STAU2: variants seen among roughly 807,000 people sequenced by gnomAD.
STAU2 encodes the protein staufen double-stranded RNA binding protein 2.
STAU2 carries 20 observed loss-of-function variants against 65.9 expected under a neutral mutation model. That is an observed-to-expected ratio of 0.30 (90% CI 0.21 to 0.44). The LOEUF (loss-of-function observed/expected upper bound fraction) is 0.44, where lower values mean the gene tolerates loss of function less well. Among genes scored for constraint, STAU2 ranks in the 20% least tolerant of loss-of-function variants. STAU2 has a pLI of 1.00. For missense variants in STAU2, 558 were observed against 683.9 expected (o/e 0.82, Z 2.05); for synonymous variants, 232 against 233.9 (o/e 0.99, Z 0.07).
At position 73,603,880 on chromosome 8, in the gene STAU2, GA is replaced by G. The variant is rs35083067; in HGVS notation, c.892-18del. The G allele has an allele frequency of 5.1e-6, 8 of 1,572,630 alleles. No individual in the cohort carries two copies. The East Asian group carries it at 1.6e-4, about 31-fold the overall frequency. ...TGGTCCGGCCTAAAAATTAATTTAA[GA>G]AAAAGTTTTAAAATATGCTTGTGAA... On this transcript the variant is annotated intron_variant, in intron 9 of 14. Coordinates refer to ENST00000524300, the MANE Select transcript of STAU2 (RefSeq NM_001164380.2).
At chr8:73,599,972 G>A (rs1811512138) in intron 10 of STAU2, among the ~76,000 whole-genome samples, 1 of 152,116 alleles carries the variant, frequency 6.6e-6, no homozygotes, top group South Asian at 2.1e-4. Context: ...GTTTCACTGT[G>A]TTAGCCAGGA....
intron 13 of STAU2, among the ~76,000 whole-genome samples, chr8:73,545,773 T>C (rs1006619034): frequency 6.6e-6 from 1 of 151,818 alleles, no homozygotes; most frequent in Admixed American, 6.6e-5. Flanking sequence ...TCAGCCTCCC[T>C]AGTAGCTGGG....
At chr8:73,578,373 C>G (rs1809732631) in intron 12 of STAU2, among the ~76,000 whole-genome samples, 2 of 152,184 alleles carry the variant, frequency 1.3e-5, no homozygotes, top group Non-Finnish European at 2.9e-5. Context: ...AACATTACCT[C>G]TAATCTTCCT....
chr8:73,434,936 G>A (rs568009970), intron 13 of STAU2, among the ~76,000 whole-genome samples: 62 of 151,848 alleles, frequency 4.1e-4, no homozygotes, highest in South Asian at 4.2e-4. Flanking sequence ...AGCATTCAAG[G>A]CCCCCATTGG....
chr8:73,456,874 T>C (rs1483340482), intron 13 of STAU2, among the ~76,000 whole-genome samples: 1 of 152,222 alleles, frequency 6.6e-6, no homozygotes, highest in African/African-American at 2.4e-5. Flanking sequence ...GAACATTTTA[T>C]TGAGTAGGGA....
chr8:73,630,239 C>T (rs1023428020), intron 6 of STAU2, among the ~76,000 whole-genome samples: 2 of 152,240 alleles, frequency 1.3e-5, no homozygotes, highest in Non-Finnish European at 2.9e-5. Context: ...TGCAGATACG[C>T]AAGGTATGCT....
chr8:73,626,610 G>A (rs1173488989), intron 6 of STAU2, among the ~76,000 whole-genome samples: 1 of 152,162 alleles, frequency 6.6e-6, no homozygotes. Context: ...GAAAATATAG[G>A]ATTGCAGGCA....
chr8:73,611,577 T>C (rs1368538044), intron 9 of STAU2, among the ~76,000 whole-genome samples: 1 of 152,054 alleles, frequency 6.6e-6, no homozygotes, highest in Non-Finnish European at 1.5e-5. Context: ...TTGCTTTTAA[T>C]AGCTATAGTT....
intron 13 of STAU2, among the ~76,000 whole-genome samples, chr8:73,530,500 G>C (rs1805742507): frequency 6.6e-6 from 1 of 152,138 alleles, no homozygotes; most frequent in Admixed American, 6.6e-5. Context: ...CCAGCTAGTG[G>C]GTAGCTCTAA....
intron 5 of STAU2, 68 bp downstream of exon 5, chr8:73,688,586 A>G: frequency 5.1e-6 from 8 of 1,579,170 alleles, no homozygotes; most frequent in Non-Finnish European, 6.9e-6. Context: ...CTAGCCTACT[A>G]TAAATGAAAC....
intron 3 of STAU2, among the ~76,000 whole-genome samples, chr8:73,735,892 G>A (rs1806399256): frequency 6.6e-6 from 1 of 152,174 alleles, no homozygotes; most frequent in Admixed American, 6.5e-5. Context: ...CCAAATGTCT[G>A]TGGCAGAAGA....
intron 4 of STAU2, among the ~76,000 whole-genome samples, chr8:73,692,827 G>A (rs1042536049): frequency 2.0e-5 from 3 of 152,132 alleles, no homozygotes; most frequent in East Asian, 1.9e-4. Flanking sequence ...TGCAGAATTC[G>A]CTGGCGTGGA....
intron 4 of STAU2, among the ~76,000 whole-genome samples, chr8:73,690,644 C>T (rs911560928): frequency 6.6e-6 from 1 of 152,042 alleles, no homozygotes; most frequent in African/African-American, 2.4e-5. Flanking sequence ...AATTATATGT[C>T]AATATAGAGG....
chr8:73,715,886 T>A (rs1350100801), intron 3 of STAU2, among the ~76,000 whole-genome samples: 1 of 152,140 alleles, frequency 6.6e-6, no homozygotes, highest in African/African-American at 2.4e-5. Context: ...ATGACAAAAG[T>A]TACAGCAGCT....
chr8:73,608,021 G>A (rs1812155252), intron 9 of STAU2, among the ~76,000 whole-genome samples: 1 of 152,160 alleles, frequency 6.6e-6, no homozygotes, highest in African/African-American at 2.4e-5. Flanking sequence ...ACAATCTGTA[G>A]TTTGGTGCTC....
At chr8:73,615,823 A>AT (rs1205834632) in intron 7 of STAU2, 41 bp from the exon 8 acceptor site, 1 of 1,457,296 alleles carries the variant, frequency 6.9e-7, no homozygotes, top group Non-Finnish European at 9.6e-7. Context: ...TCTTGACATT[A>AT]TAACAAACTT....
chr8:73,509,435 G>A (rs144449022), intron 13 of STAU2, among the ~76,000 whole-genome samples: 1 of 151,960 alleles, frequency 6.6e-6, no homozygotes, highest in Non-Finnish European at 1.5e-5. Context: ...CCTCTAATCT[G>A]TGGCTTTTTA....
At chr8:73,625,442 C>A (rs905198279) in intron 6 of STAU2, among the ~76,000 whole-genome samples, 2 of 152,082 alleles carry the variant, frequency 1.3e-5, no homozygotes, top group African/African-American at 2.4e-5. Flanking sequence ...GTGAAAGAAG[C>A]TAGATACAAA....
At chr8:73,685,695 C>T (rs183633488) in intron 5 of STAU2, among the ~76,000 whole-genome samples, 179 of 152,148 alleles carry the variant, frequency 1.2e-3, no homozygotes, top group Non-Finnish European at 2.0e-3. Flanking sequence ...CACTTTTACA[C>T]CACTGGTGGG....
Sources: gnomAD v4.1 joint callset for allele counts (sites outside exome capture counted in the v4.1 genomes callset) on GRCh38, gnomAD v4.1.1 for gene constraint, MANE v1.5 for transcripts, NCBI Gene and HGNC (gene_info 2026-07-23, HGNC 2026-07-21) for gene names.